Variants in HERC2 observed in about 807,000 individuals in gnomAD.
HERC2 encodes the protein HECT and RLD domain containing E3 ubiquitin protein ligase 2.
In HERC2, 102 loss-of-function variants were observed where a neutral mutation model predicts 537.7. That is an observed-to-expected ratio of 0.19 (90% CI 0.16 to 0.22). The LOEUF (loss-of-function observed/expected upper bound fraction) is 0.22. Among genes scored for constraint, HERC2 ranks in the 10% least tolerant of loss-of-function variants. HERC2 has a pLI of 1.00. For synonymous variants in HERC2, 2,224 were observed against 2,466.2 expected, an observed-to-expected ratio of 0.90 and a Z score of 2.91; for missense variants, 4,236 against 6,198.2, an observed-to-expected ratio of 0.68 and a Z score of 10.63.
chr15:28,214,832 A>G (rs1263054438), intron 39 of HERC2, 30 bp from the exon 40 acceptor site: 2 of 1,576,040 alleles, frequency 1.3e-6, no homozygotes, highest in Admixed American at 3.5e-5. Context: ...AACGACAAGC[A>G]TTAAAAAAAA....
intron 39 of HERC2, among the ~76,000 whole-genome samples, chr15:28,215,035 C>T (rs1309187316): frequency 1.3e-5 from 2 of 152,036 alleles, no homozygotes; most frequent in African/African-American, 4.8e-5. Flanking sequence ...CCACCAAGCC[C>T]GGCTCATTTT....
rs1895370508 is a variant in HERC2, at chr15:28,177,200, T to C, written c.9255-73A>G. The C allele has an allele frequency of 6.9e-7, 1 of 1,449,472 alleles. No homozygotes were observed. Among genetic ancestry groups the C allele is most frequent in the East Asian group, 2.3e-5 (1 of 43,948 alleles). 89.8% of individuals were successfully genotyped at this position (1,449,472 alleles called of 1,614,324 possible). On this transcript the variant is annotated intron_variant, in intron 60 of 92. Coordinates refer to ENST00000261609, the MANE Select transcript of HERC2 (RefSeq NM_004667.6). This position sits in a 1 kb window ranked among gnomAD's most constrained non-coding sequence, Gnocchi z 5.0. Reference sequence around the variant, plus strand: ...AGAGATGAAGGAAAAAAGACATCTATACTGATCCACATGTAGTCAACACAG... The same window carrying C: ...AGAGATGAAGGAAAAAAGACATCTACACTGATCCACATGTAGTCAACACAG...
chr15:28,140,029 C>T (rs781192086), intron 78 of HERC2, among the ~76,000 whole-genome samples: 1 of 151,358 alleles, frequency 6.6e-6, no homozygotes, highest in East Asian at 1.9e-4. Flanking sequence ...GACTGTGCCA[C>T]TGCACTCCAG....
chr15:28,116,227 T>TC (rs1196326095), intron 88 of HERC2, among the ~76,000 whole-genome samples: 1 of 149,900 alleles, frequency 6.7e-6, no homozygotes, highest in African/African-American at 2.4e-5. Flanking sequence ...TTTTTCTTTT[T>TC]TTTTTTTTTT....
chr15:28,227,900 G>A (rs1901387173), intron 35 of HERC2, among the ~76,000 whole-genome samples: 1 of 152,054 alleles, frequency 6.6e-6, no homozygotes, highest in Non-Finnish European at 1.5e-5. Flanking sequence ...AAATATCCAG[G>A]ATATGCAAAT....
At position 28,202,445 on chromosome 15, in the gene HERC2, A is replaced by G. The variant is rs903943653; in HGVS notation, c.7382T>C (p.Ile2461Thr). The G allele has an allele frequency of 3.9e-6, 6 of 1,544,368 alleles. No individual in the cohort carries two copies. Among genetic ancestry groups the G allele is most frequent in the Non-Finnish European group, 5.3e-6 (6 of 1,121,804 alleles). ...RKQSPVPALP[I>T]VVQLMEMGFS... ...TCCCATCTCCATGAGCTGCACCACG[A>G]TCGGCAGAGCGGGAACGGGCGACTG... The change falls in exon 46 of 93, where the codon ATC becomes ACC. Residue 2461 changes from isoleucine to threonine, a missense_variant. Around this residue, in one of 27 missense-constraint regions of HERC2, gnomAD observed 35 missense variants for 68.7 expected, o/e 0.51. Coordinates refer to ENST00000261609, the MANE Select transcript of HERC2 (RefSeq NM_004667.6).
intron 68 of HERC2, among the ~76,000 whole-genome samples, chr15:28,164,695 T>A (rs1893955848): frequency 6.6e-6 from 1 of 152,134 alleles, no homozygotes; most frequent in African/African-American, 2.4e-5. Flanking sequence ...AATTCATGAG[T>A]CAAGCCAAAA....
intron 50 of HERC2, 99 bp downstream of exon 50, chr15:28,198,279 T>C: frequency 7.3e-7 from 1 of 1,361,448 alleles, no homozygotes; most frequent in Non-Finnish European, 1.0e-6. Flanking sequence ...TCTTCAACAC[T>C]TGTTTTCTGT....
chr15:28,224,166 C>CACACACACAG (rs748053596), intron 35 of HERC2, among the ~76,000 whole-genome samples: 3,161 of 147,510 alleles, frequency 0.021, 144 homozygotes, highest in East Asian at 0.19. Flanking sequence ...CACACACACA[C>CACACACACAG]AGAGAGAGAG....
intron 79 of HERC2, among the ~76,000 whole-genome samples, chr15:28,133,163 T>C (rs1036357999): frequency 6.6e-6 from 1 of 151,934 alleles, no homozygotes; most frequent in African/African-American, 2.4e-5. Flanking sequence ...AAGAATCATA[T>C]GCAACTCCTA....
intron 35 of HERC2, among the ~76,000 whole-genome samples, chr15:28,226,870 A>G (rs1901234267): frequency 6.6e-6 from 1 of 152,268 alleles, no homozygotes; most frequent in African/African-American, 2.4e-5. Flanking sequence ...TCTAGTATAC[A>G]CGAAATTTTT....
intron 71 of HERC2, among the ~76,000 whole-genome samples, chr15:28,145,012 G>T (rs538355516): frequency 6.6e-6 from 1 of 152,320 alleles, no homozygotes; most frequent in African/African-American, 2.4e-5. Context: ...CACGCATTCA[G>T]CCCCTGTACC....
At chr15:28,170,944 T>C (rs958855558) in intron 65 of HERC2, among the ~76,000 whole-genome samples, 8 of 152,136 alleles carry the variant, frequency 5.3e-5, no homozygotes, top group Admixed American at 4.6e-4. Context: ...TGAGATACAA[T>C]GACCTATCTA....
In HERC2 at chr15:28,168,299, C is replaced by T. The variant is rs1894348868; in HGVS notation, c.10413+108G>A. On this transcript the variant is annotated intron_variant, in intron 67 of 92. Coordinates refer to ENST00000261609, the MANE Select transcript of HERC2 (RefSeq NM_004667.6). Reference sequence around the variant, plus strand: ...TTCTAAGTAAAGCCAAAAATCTAAGCGGGAGGCACAGAAACAGCCTAAACT... The same window carrying T: ...TTCTAAGTAAAGCCAAAAATCTAAGTGGGAGGCACAGAAACAGCCTAAACT... 5.6e-6 allele frequency: 6 copies of T among 1,068,358 alleles called. No homozygotes were observed. The South Asian group carries it at 6.3e-5, about 11-fold the overall frequency. 66.2% of individuals were successfully genotyped at this position (1,068,358 alleles called of 1,614,324 possible).
At chr15:28,214,035 T>A (rs1899577967) in intron 41 of HERC2, 41 bp downstream of exon 41, 1 of 1,610,926 alleles carries the variant, frequency 6.2e-7, no homozygotes, top group African/African-American at 1.3e-5. Flanking sequence ...TCCCTACAGG[T>A]TCACCGTTGA....
intron 69 of HERC2, among the ~76,000 whole-genome samples, chr15:28,161,295 T>C (rs1427637244): frequency 6.6e-6 from 1 of 152,204 alleles, no homozygotes; most frequent in Non-Finnish European, 1.5e-5. Context: ...CTTCAGAAGT[T>C]CCTTTAAAGA....
At chr15:28,254,310 A>C in intron 20 of HERC2, 30 bp downstream of exon 20, 1 of 1,466,020 alleles carries the variant, frequency 6.8e-7, no homozygotes, top group Non-Finnish European at 9.2e-7. Context: ...AATAAATAAC[A>C]TATAATACAA....
intron 83 of HERC2, 75 bp from the exon 84 acceptor site, chr15:28,125,268 C>G: frequency 1.7e-6 from 2 of 1,190,320 alleles, no homozygotes; most frequent in Non-Finnish European, 2.5e-6. Flanking sequence ...GTCTTCCCAC[C>G]ACACACAGCA....
At chr15:28,301,244 A>C (rs1320961356) in intron 2 of HERC2, among the ~76,000 whole-genome samples, 3 of 151,884 alleles carry the variant, frequency 2.0e-5, no homozygotes, top group African/African-American at 7.2e-5. Flanking sequence ...CCGAAACCCC[A>C]TCTCTTCTAA....
Sources: allele counts gnomAD v4.1 joint callset (sites outside exome capture counted in the v4.1 genomes callset), GRCh38; gene constraint gnomAD v4.1.1; regional missense constraint gnomAD v4.1.1; non-coding constraint Gnocchi (gnomAD v3.1); transcripts MANE v1.5; gene names NCBI Gene and HGNC (gene_info 2026-07-23, HGNC 2026-07-21).